Variants in CHST15 observed in about 807,000 individuals in gnomAD.
The protein encoded by CHST15 is carbohydrate sulfotransferase 15.
CHST15 carries 30 observed loss-of-function variants against 53.6 expected under a neutral mutation model. The observed-to-expected ratio is 0.56, with a 90% CI of 0.42 to 0.76. The LOEUF (loss-of-function observed/expected upper bound fraction) is 0.76. Among genes scored for constraint, CHST15 ranks in the 30% least tolerant of loss-of-function variants. The probability of loss-of-function intolerance (pLI) is 0.00; values close to 1 mark genes in which losing one functional copy is unlikely to be tolerated. For missense variants in CHST15, 627 were observed against 740.5 expected (o/e 0.85, Z 1.78); for synonymous variants, 296 against 289.8 (o/e 1.02, Z -0.22).
rs979183706 is a variant in CHST15 at position 124,045,605 on chromosome 10, A to G, written c.546+62T>C. 3.4e-6 allele frequency: 5 copies of G among 1,449,536 alleles called. No individual in the cohort carries two copies. In the African/African-American group the frequency reaches 7.1e-5, roughly 21 times the overall value. The allele number at this position is 1,449,536 out of a possible 1,614,324, so 89.8% of individuals were successfully genotyped here. A position where few individuals can be genotyped will look rare whatever the true frequency, so the allele number is the denominator to read the frequency against. On this transcript the variant is annotated intron_variant, in intron 2 of 7. Coordinates refer to ENST00000435907, the MANE Select transcript of CHST15 (RefSeq NM_001270764.2). The stretch of plus-strand genomic sequence containing the variant: ...TCTGTGTTCCCAAAGATGGTGATAG[A>G]AAGAAAAGCACTCATTTCTAAAAAT...
chr10:124,082,013 A>T (rs1949261723), intron 1 of CHST15, among the ~76,000 whole-genome samples: 1 of 152,210 alleles, frequency 6.6e-6, no homozygotes, highest in South Asian at 2.1e-4. Flanking sequence ...AACTAGAAAG[A>T]TGCTGGCGCC....
At position 124,008,252 on chromosome 10, in the gene CHST15, T is replaced by C; in HGVS notation, c.*1897A>G. 2.5e-6 allele frequency: 3 copies of C among 1,202,598 alleles called. No homozygotes were observed. The highest frequency in any genetic ancestry group is 3.1e-6 in the Non-Finnish European group (3 of 970,318). The allele number at this position is 1,202,598 out of a possible 1,614,324, so 74.5% of individuals were successfully genotyped here. A position where few individuals can be genotyped will look rare whatever the true frequency, so the allele number is the denominator to read the frequency against. On this transcript the variant is annotated 3_prime_UTR_variant, in exon 8 of 8. Coordinates refer to ENST00000435907, the MANE Select transcript of CHST15 (RefSeq NM_001270764.2). ...ATGACAAGTTAATTGGCAGAGAAATTAATCTATAAAAGGGTTGTGTCCAGA... is the reference window on the plus strand; with the variant it reads ...ATGACAAGTTAATTGGCAGAGAAATCAATCTATAAAAGGGTTGTGTCCAGA...
In CHST15 at chr10:124,033,183, G is replaced by T. The variant is rs79965628; in HGVS notation, c.1190+5332C>A. On this transcript the variant is annotated intron_variant, in intron 5 of 7. Transcript: ENST00000435907. ...ATTTATCATCCTTTCTGGCTGAGAT[G>T]GGAAACGCGCCAACCATTTCAGACA... Among the ~76,000 whole-genome samples, 13 of 152,340 alleles carry T rather than the reference G, an allele frequency of 8.5e-5. No homozygotes were observed. In the East Asian group the frequency reaches 2.5e-3, roughly 29 times the overall value.
At chr10:124,035,162 C>CTCCGCCCCCTAACGGGGACCCTGGT (rs1221565770) in intron 5 of CHST15, among the ~76,000 whole-genome samples, 1 of 142,216 alleles carries the variant, frequency 7.0e-6, no homozygotes, top group Non-Finnish European at 1.5e-5. Context: ...GGGACCCCGG[C>CTCCGCCCCCTAACGGGGACCCTGGT]TCCGCCCCCT....
Position 124,015,018 on chromosome 10 carries a change from G to A in CHST15, c.1348-2538C>T, listed in dbSNP as rs375690135. On this transcript the variant is annotated intron_variant, in intron 6 of 7. Coordinates refer to ENST00000435907, the MANE Select transcript of CHST15 (RefSeq NM_001270764.2). ...CCTGGCGCTCGGCTGCTTCTCCCGGGGCTAGCTCCCCTCCCGCTTTGTGCC... is the reference window on the plus strand; with the variant it reads ...CCTGGCGCTCGGCTGCTTCTCCCGGAGCTAGCTCCCCTCCCGCTTTGTGCC... Among the ~76,000 whole-genome samples the A allele has an allele frequency of 8.5e-5, 13 of 152,256 alleles. No homozygotes were observed. In the East Asian group the frequency reaches 1.9e-3, roughly 23 times the overall value.
chr10:124,069,353 C>A (rs1948840915), intron 1 of CHST15, among the ~76,000 whole-genome samples: 1 of 138,282 alleles, frequency 7.2e-6, no homozygotes, highest in African/African-American at 2.9e-5. Context: ...AAGTTAGTCC[C>A]TGTTGTTTGG....
intron 1 of CHST15, among the ~76,000 whole-genome samples, chr10:124,057,623 G>C (rs1385086137): frequency 6.6e-6 from 1 of 152,172 alleles, no homozygotes; most frequent in Admixed American, 6.5e-5. Flanking sequence ...ATTCGGGACT[G>C]TATATCCCAT....
chr10:124,009,823 G>T lies in CHST15; in HGVS notation c.*326C>A. ...AGAAGGCGGAGGCGGGCAGGGCCAG[G>T]CTGCCTTCCCTAGGTGTTCTCTCCA... On this transcript the variant is annotated 3_prime_UTR_variant, in exon 8 of 8. Coordinates refer to ENST00000435907, the MANE Select transcript of CHST15 (RefSeq NM_001270764.2). The T allele has an allele frequency of 9.1e-7, 1 of 1,098,126 alleles. No homozygotes were observed. The allele number at this position is 1,098,126 out of a possible 1,614,324, so 68.0% of individuals were successfully genotyped here.
At chr10:124,030,740 G>T (rs1274410744) in intron 5 of CHST15, among the ~76,000 whole-genome samples, 1 of 152,180 alleles carries the variant, frequency 6.6e-6, no homozygotes, top group Non-Finnish European at 1.5e-5. Flanking sequence ...CACATCCAGG[G>T]CTTTCAATCA....
intron 1 of CHST15, among the ~76,000 whole-genome samples, chr10:124,047,312 C>T (rs146556252): frequency 6.6e-6 from 1 of 152,186 alleles, no homozygotes; most frequent in Admixed American, 6.5e-5. Flanking sequence ...TGAGTCTCTC[C>T]TTCAGTAGAA....
chr10:124,091,490 T>C (rs1949599482), intron 1 of CHST15, among the ~76,000 whole-genome samples: 1 of 152,150 alleles, frequency 6.6e-6, no homozygotes, highest in African/African-American at 2.4e-5. Flanking sequence ...GCCCCAACGC[T>C]GGGTGGCTAC....
chr10:124,069,762 A>G (rs1198206397), intron 1 of CHST15, among the ~76,000 whole-genome samples: 2 of 152,226 alleles, frequency 1.3e-5, no homozygotes, highest in Admixed American at 6.5e-5. Flanking sequence ...GGACCTTCCC[A>G]GTCAGCCAGC....
intron 4 of CHST15, among the ~76,000 whole-genome samples, chr10:124,040,457 A>G (rs1442016087): frequency 6.6e-6 from 1 of 152,230 alleles, no homozygotes; most frequent in Non-Finnish European, 1.5e-5. Context: ...TCCGGCCTCA[A>G]GTTCAGCCAT....
At chr10:124,012,790 G>A (rs541607654) in intron 6 of CHST15, among the ~76,000 whole-genome samples, 11 of 152,292 alleles carry the variant, frequency 7.2e-5, no homozygotes, top group Non-Finnish European at 1.5e-4. Context: ...CACCAATGGT[G>A]TACATGTTCC....
intron 1 of CHST15, among the ~76,000 whole-genome samples, chr10:124,064,344 G>A (rs76954511): frequency 1.3e-5 from 2 of 152,172 alleles, no homozygotes; most frequent in South Asian, 2.1e-4. Context: ...TAAGAATTTC[G>A]CTTGATGCAG....
At position 124,012,453 on chromosome 10, in the gene CHST15, C is replaced by T; in HGVS notation, c.1375G>A (p.Val459Met). 6.2e-7 allele frequency: 1 copy of T among 1,614,040 alleles called. No individual in the cohort carries two copies. The highest frequency in any genetic ancestry group is 8.5e-7 in the Non-Finnish European group (1 of 1,179,966). Residue 459 changes from valine (V) to methionine (M), a missense_variant, in exon 7 of 8, where the codon GTG (valine) becomes ATG (methionine). Coordinates refer to ENST00000435907, the MANE Select transcript of CHST15 (RefSeq NM_001270764.2). ...ACGCTGAGCCAGTCCAGAAGGTACA[C>T]AGCATAGAGCCCAACCTGGAGCCTC... ...PVRLQVGLYA[V>M]YLLDWLSVFD... is the part of the protein sequence containing the mutation.
intron 1 of CHST15, among the ~76,000 whole-genome samples, chr10:124,091,725 A>G (rs1949604792): frequency 6.6e-6 from 1 of 152,254 alleles, no homozygotes; most frequent in African/African-American, 2.4e-5. Context: ...CAGCTGTCAC[A>G]GCGGCTCCGC....
chr10:124,032,377 T>C (rs1947257022), intron 5 of CHST15, among the ~76,000 whole-genome samples: 1 of 152,060 alleles, frequency 6.6e-6, no homozygotes, highest in African/African-American at 2.4e-5. Flanking sequence ...ATAGACACGG[T>C]AAAATCCTTA....
Position 124,008,287 on chromosome 10 carries a change from C to G in CHST15, c.*1862G>C. The G allele has an allele frequency of 8.7e-7, 1 of 1,145,844 alleles. No individual in the cohort carries two copies. Among genetic ancestry groups the G allele is most frequent in the East Asian group, 4.3e-5 (1 of 23,452 alleles). 71.0% of individuals were successfully genotyped at this position (1,145,844 alleles called of 1,614,324 possible). Reference sequence around the variant, plus strand: ...AAGGGTTGTGTCCAGAGCGGAGGAGCCTCATTAGCAACTGAACAGAACCCA... The same window carrying G: ...AAGGGTTGTGTCCAGAGCGGAGGAGGCTCATTAGCAACTGAACAGAACCCA... On this transcript the variant is annotated 3_prime_UTR_variant, in exon 8 of 8. Coordinates refer to ENST00000435907, the MANE Select transcript of CHST15 (RefSeq NM_001270764.2).
Sources: gnomAD v4.1 joint callset for allele counts (sites outside exome capture counted in the v4.1 genomes callset) on GRCh38, gnomAD v4.1.1 for gene constraint, MANE v1.5 for transcripts, NCBI Gene and HGNC (gene_info 2026-07-23, HGNC 2026-07-21) for gene names.